The following PRKN variants were observed in gnomAD, a reference collection of about 807,000 sequenced individuals.
The protein encoded by PRKN is parkin RBR E3 ubiquitin protein ligase, also known as E3 ubiquitin-protein ligase parkin.
In PRKN, 56 loss-of-function variants were observed where a neutral mutation model predicts 59.5. The ratio of observed to expected loss-of-function variants is 0.94; its 90% CI spans 0.76 to 1.18. The LOEUF (loss-of-function observed/expected upper bound fraction) is 1.18. PRKN is among the 50% of genes most tolerant of loss of function. The pLI is 0.00. For missense variants in PRKN, 657 were observed against 596.4 expected, an observed-to-expected ratio of 1.10 and a Z score of -1.06; for synonymous variants, 250 against 222.1, an observed-to-expected ratio of 1.13 and a Z score of -1.12.
At chr6:162,400,043 C>A (rs955875553) in intron 2 of PRKN, among the ~76,000 whole-genome samples, 1 of 151,996 alleles carries the variant, frequency 6.6e-6, no homozygotes, top group African/African-American at 2.4e-5. Flanking sequence ...CCCATCTGTA[C>A]TGAAAATACA....
chr6:162,212,727 C>T (rs1785259207), intron 3 of PRKN, among the ~76,000 whole-genome samples: 1 of 152,144 alleles, frequency 6.6e-6, no homozygotes, highest in African/African-American at 2.4e-5. Flanking sequence ...AGTGTACTTA[C>T]ACACACCTAG....
intron 5 of PRKN, among the ~76,000 whole-genome samples, chr6:162,031,409 CT>C (rs72056604): frequency 0.3 from 44,867 of 151,706 alleles, 9,175 homozygotes; most frequent in African/African-American, 0.59. Flanking sequence ...ACATCTAATC[CT>C]TTTTTTTATC....
At chr6:162,488,996 C>T (rs964936975) in intron 1 of PRKN, among the ~76,000 whole-genome samples, 1 of 152,130 alleles carries the variant, frequency 6.6e-6, no homozygotes, top group African/African-American at 2.4e-5. Context: ...TAAGCCACCA[C>T]TCCTGAAACT....
chr6:162,106,214 G>T (rs1485670613), intron 4 of PRKN, among the ~76,000 whole-genome samples: 1 of 152,220 alleles, frequency 6.6e-6, no homozygotes, highest in South Asian at 2.1e-4. Flanking sequence ...CAGGCTGGGA[G>T]AAGAGATGTG....
chr6:162,620,524 C>T (rs1405293583), intron 1 of PRKN, among the ~76,000 whole-genome samples: 2 of 152,162 alleles, frequency 1.3e-5, no homozygotes, highest in African/African-American at 2.4e-5. Context: ...GGATTTTCAT[C>T]CAACACTAAT....
chr6:161,568,827 T>G (rs1780752766), intron 8 of PRKN, among the ~76,000 whole-genome samples: 1 of 152,204 alleles, frequency 6.6e-6, no homozygotes, highest in African/African-American at 2.4e-5. Context: ...TCTATTTAAA[T>G]TATGACACGC....
chr6:161,706,843 C>T (rs1384685040), intron 7 of PRKN, among the ~76,000 whole-genome samples: 1 of 152,150 alleles, frequency 6.6e-6, no homozygotes, highest in Non-Finnish European at 1.5e-5. Context: ...CAGGCGTGAG[C>T]CACCACACCC....
At chr6:162,699,643 T>A (rs1259789640) in intron 1 of PRKN, among the ~76,000 whole-genome samples, 1 of 152,186 alleles carries the variant, frequency 6.6e-6, no homozygotes, top group Non-Finnish European at 1.5e-5. Flanking sequence ...TCCAATATTT[T>A]AAGTCTCAAT....
At chr6:161,532,166 C>CTCTCTATA (rs1355724171) in intron 9 of PRKN, among the ~76,000 whole-genome samples, 135 of 115,382 alleles carry the variant, frequency 1.2e-3, no homozygotes, top group African/African-American at 3.7e-3. Context: ...CTCTCTCTCT[C>CTCTCTATA]TATATATATA....
chr6:162,028,805 G>A (rs749345502), intron 5 of PRKN, among the ~76,000 whole-genome samples: 2 of 152,196 alleles, frequency 1.3e-5, no homozygotes, highest in Non-Finnish European at 2.9e-5. Context: ...AGAGGGTGGC[G>A]TTTGACTGGC....
chr6:162,418,219 G>T (rs1788745281), intron 2 of PRKN, among the ~76,000 whole-genome samples: 1 of 152,134 alleles, frequency 6.6e-6, no homozygotes. Flanking sequence ...GATGAAACTT[G>T]AAAACATTGT....
intron 1 of PRKN, among the ~76,000 whole-genome samples, chr6:162,564,948 G>A (rs1270623288): frequency 6.6e-6 from 1 of 151,032 alleles, no homozygotes; most frequent in Non-Finnish European, 1.5e-5. Context: ...TAAGTACACA[G>A]GAAAACCTAG....
At chr6:161,694,624 G>C (rs932361601) in intron 7 of PRKN, among the ~76,000 whole-genome samples, 2 of 152,066 alleles carry the variant, frequency 1.3e-5, no homozygotes, top group Admixed American at 6.6e-5. Flanking sequence ...ACTCGGTTTT[G>C]ACTAAGAACT....
At chr6:161,933,683 A>T (rs1213128198) in intron 6 of PRKN, among the ~76,000 whole-genome samples, 1 of 151,862 alleles carries the variant, frequency 6.6e-6, no homozygotes, top group Admixed American at 6.6e-5. Flanking sequence ...CAGACATTTC[A>T]GGGAACCCCA....
chr6:161,449,751 G>A (rs1434005310), intron 9 of PRKN, among the ~76,000 whole-genome samples: 1 of 152,178 alleles, frequency 6.6e-6, no homozygotes, highest in African/African-American at 2.4e-5. Flanking sequence ...GCACTGACTA[G>A]ACTTCCGTAA....
chr6:162,414,948 G>C (rs923617506), intron 2 of PRKN, among the ~76,000 whole-genome samples: 3 of 152,016 alleles, frequency 2.0e-5, no homozygotes, highest in Admixed American at 6.6e-5. Flanking sequence ...TTACAGACCA[G>C]TAAAATTTCT....
At chr6:162,300,176 C>A (rs764417520) in intron 2 of PRKN, among the ~76,000 whole-genome samples, 1 of 152,006 alleles carries the variant, frequency 6.6e-6, no homozygotes, top group African/African-American at 2.4e-5. Context: ...ATATGGAATA[C>A]AAACATGAAT....
intron 6 of PRKN, among the ~76,000 whole-genome samples, chr6:161,904,791 C>T (rs1053394783): frequency 1.3e-5 from 2 of 151,898 alleles, no homozygotes; most frequent in Non-Finnish European, 2.9e-5. Flanking sequence ...GTGTGGCCAG[C>T]AAGATGGGGT....
At chr6:162,021,230 A>G (rs1161279814) in intron 5 of PRKN, among the ~76,000 whole-genome samples, 1 of 134,450 alleles carries the variant, frequency 7.4e-6, no homozygotes, top group Non-Finnish European at 1.6e-5. Flanking sequence ...TATACATCAA[A>G]TATATATATA....
Sources: allele counts gnomAD v4.1 joint callset (sites outside exome capture counted in the v4.1 genomes callset), GRCh38; gene constraint gnomAD v4.1.1; transcripts MANE v1.5; gene names NCBI Gene and HGNC (gene_info 2026-07-23, HGNC 2026-07-21).